Variants in SDK1 observed in about 807,000 individuals in gnomAD.
SDK1 encodes protein sidekick-1.
Under a neutral mutation model 245.5 loss-of-function variants are expected in SDK1, and 157 were observed. That is an observed-to-expected ratio of 0.64 (90% CI 0.56 to 0.73). The LOEUF (loss-of-function observed/expected upper bound fraction) is 0.73, where lower values mean the gene tolerates loss of function less well. SDK1 is among the 30% of genes least tolerant of loss of function. The probability of loss-of-function intolerance (pLI) is 0.00; values close to 1 mark genes in which losing one functional copy is unlikely to be tolerated. For synonymous variants in SDK1, 1,647 were observed against 1,278.5 expected, an observed-to-expected ratio of 1.29 and a Z score of -6.15; for missense variants, 3,583 against 3,002.3, an observed-to-expected ratio of 1.19 and a Z score of -4.52.
At chr7:3,306,738 C>T (rs1422135032) in intron 1 of SDK1, among the ~76,000 whole-genome samples, 1 of 152,120 alleles carries the variant, frequency 6.6e-6, no homozygotes, top group Non-Finnish European at 1.5e-5. Context: ...ATCCTCAGAG[C>T]CCCTGTATTG....
intron 4 of SDK1, among the ~76,000 whole-genome samples, chr7:3,732,478 A>G (rs1779208428): frequency 6.6e-6 from 1 of 152,218 alleles, no homozygotes; most frequent in South Asian, 2.1e-4. Flanking sequence ...TAGCATTTGC[A>G]TCCATCATCT....
intron 1 of SDK1, among the ~76,000 whole-genome samples, chr7:3,578,961 A>G (rs1027767360): frequency 6.6e-6 from 1 of 151,958 alleles, no homozygotes; most frequent in Admixed American, 6.6e-5. Context: ...TTAAAGTAAG[A>G]CAGGTGTAAG....
intron 5 of SDK1, among the ~76,000 whole-genome samples, chr7:3,897,400 C>T (rs914868147): frequency 6.6e-6 from 1 of 152,154 alleles, no homozygotes; most frequent in African/African-American, 2.4e-5. Context: ...CATTGTACTT[C>T]CTGTCTCCTT....
chr7:4,088,572 C>A (rs1781574601), intron 22 of SDK1, among the ~76,000 whole-genome samples: 1 of 151,224 alleles, frequency 6.6e-6, no homozygotes, highest in Admixed American at 6.6e-5. Context: ...TTTTTTAAAG[C>A]ATAAATAAAT....
At chr7:3,948,088 C>A (rs1483090223) in intron 5 of SDK1, among the ~76,000 whole-genome samples, 1 of 152,072 alleles carries the variant, frequency 6.6e-6, no homozygotes, top group Non-Finnish European at 1.5e-5. Flanking sequence ...ATTGAAATAT[C>A]TGGATTCAGG....
chr7:3,871,441 G>A (rs1361410323), intron 5 of SDK1, among the ~76,000 whole-genome samples: 2 of 152,168 alleles, frequency 1.3e-5, no homozygotes, highest in Non-Finnish European at 2.9e-5. Context: ...TGTAGTACAG[G>A]GGATGTGTCT....
At chr7:3,342,674 A>G (rs1298923674) in intron 1 of SDK1, among the ~76,000 whole-genome samples, 1 of 152,210 alleles carries the variant, frequency 6.6e-6, no homozygotes, top group Non-Finnish European at 1.5e-5. Flanking sequence ...ACAATCCATA[A>G]AAGAAAAACT....
intron 43 of SDK1, among the ~76,000 whole-genome samples, chr7:4,242,618 G>T (rs575907391): frequency 2.8e-4 from 43 of 152,218 alleles, no homozygotes; most frequent in Middle Eastern, 3.4e-3. Flanking sequence ...AGGACGCTTC[G>T]TCTGGAGAAC....
At chr7:4,002,745 C>A (rs1198162282) in intron 14 of SDK1, among the ~76,000 whole-genome samples, 1 of 152,074 alleles carries the variant, frequency 6.6e-6, no homozygotes. Flanking sequence ...GGAAAAAAAT[C>A]TGGTTGGGAG....
chr7:4,074,902 ATATATATATATATATTTT>A (rs1780544951), intron 20 of SDK1, among the ~76,000 whole-genome samples: 1 of 62,504 alleles, frequency 1.6e-5, no homozygotes, highest in South Asian at 5.5e-4. Context: ...ATATATATAT[ATATATATATATATATTTT>A]TTTTTTTTTT....
intron 1 of SDK1, among the ~76,000 whole-genome samples, chr7:3,472,645 TAAAAC>T (rs1173696609): frequency 6.6e-6 from 1 of 152,230 alleles, no homozygotes; most frequent in African/African-American, 2.4e-5. Flanking sequence ...TTTTGAATTT[TAAAAC>T]AAATCAGTAT....
chr7:3,941,206 C>T (rs1275409046), intron 5 of SDK1, among the ~76,000 whole-genome samples: 2 of 152,120 alleles, frequency 1.3e-5, no homozygotes, highest in Admixed American at 1.3e-4. Flanking sequence ...GTCATACTCA[C>T]CCCCGTCTTT....
At chr7:3,678,696 A>AT (rs1354952733) in intron 4 of SDK1, among the ~76,000 whole-genome samples, 1 of 152,206 alleles carries the variant, frequency 6.6e-6, no homozygotes, top group Non-Finnish European at 1.5e-5. Flanking sequence ...AAAGTTCTGG[A>AT]TAGAAATAGT....
intron 5 of SDK1, among the ~76,000 whole-genome samples, chr7:3,881,668 C>T (rs183899368): frequency 6.6e-6 from 1 of 152,140 alleles, no homozygotes; most frequent in African/African-American, 2.4e-5. Flanking sequence ...GCTTCTAGAT[C>T]TTTCAGGAAT....
At chr7:4,050,884 AC>A (rs890216580) in intron 18 of SDK1, among the ~76,000 whole-genome samples, 80 of 144,306 alleles carry the variant, frequency 5.5e-4, no homozygotes, top group Middle Eastern at 3.7e-3. Flanking sequence ...TATTATATAT[AC>A]CATATAGTAT....
At position 3,563,401 on chromosome 7, in the gene SDK1, A is replaced by G. The variant is rs148218694; in HGVS notation, c.299-55679A>G. ...TTCAAAAGAAGTTGGAAATAAAAGG[A>G]TGGAAGAGAGAGTACACAAATATGA... On this transcript the variant is annotated intron_variant, in intron 1 of 44. Transcript: ENST00000404826. Among the ~76,000 whole-genome samples, 605 of 152,352 alleles carry G rather than the reference A, an allele frequency of 4.0e-3. 1 individual carries two copies. Among genetic ancestry groups the G allele is most frequent in the Non-Finnish European group, 7.0e-3 (476 of 68,042 alleles).
intron 1 of SDK1, among the ~76,000 whole-genome samples, chr7:3,384,248 A>T (rs901528333): frequency 1.3e-5 from 2 of 152,124 alleles, no homozygotes; most frequent in African/African-American, 4.8e-5. Flanking sequence ...TTTTATGTAT[A>T]CTTTTTAGTG....
chr7:3,902,129 GC>G (rs1781811578), intron 5 of SDK1, among the ~76,000 whole-genome samples: 1 of 152,170 alleles, frequency 6.6e-6, no homozygotes, highest in Non-Finnish European at 1.5e-5. Context: ...AGATCTGGCT[GC>G]TAAGTGTGCT....
chr7:4,206,350 T>A lies in SDK1; in HGVS notation c.5214+356T>A, dbSNP rs7811822. Among the ~76,000 whole-genome samples, 1,514 of 152,260 alleles carry A rather than the reference T, an allele frequency of 9.9e-3. 28 individuals are homozygous for A. Among genetic ancestry groups the A allele is most frequent in the African/African-American group, 0.035 (1,451 of 41,542 alleles). The stretch of plus-strand genomic sequence containing the variant: ...TGGAGCCCCCAGTACATTGGCTGAC[T>A]ATAAAAGAACATGGGGCGCCTGGAA... On this transcript the variant is annotated intron_variant, in intron 36 of 44. Transcript: ENST00000404826.
Sources: allele counts gnomAD v4.1 joint callset (sites outside exome capture counted in the v4.1 genomes callset), GRCh38; gene constraint gnomAD v4.1.1; transcripts MANE v1.5; gene names NCBI Gene and HGNC (gene_info 2026-07-23, HGNC 2026-07-21).